The following GPHN variants were observed in gnomAD, a reference collection of about 807,000 sequenced individuals.
The protein encoded by GPHN is gephyrin.
A neutral mutation model predicts 95.5 loss-of-function variants in GPHN; 17 were observed. The observed-to-expected ratio is 0.18, with a 90% CI of 0.12 to 0.27. GPHN has a LOEUF of 0.27. GPHN is among the 10% of genes least tolerant of loss of function. The pLI, the probability that GPHN is intolerant of heterozygous loss-of-function variation, is 1.00. For missense variants in GPHN, 660 were observed against 978.1 expected (o/e 0.67, Z 4.34); for synonymous variants, 320 against 322.5 (o/e 0.99, Z 0.08).
the GPHN span, among the ~76,000 whole-genome samples, chr14:67,595,262 A>G: frequency 1.3e-5 from 2 of 152,244 alleles, no homozygotes; most frequent in Admixed American, 1.3e-4. Flanking sequence ...ATTCAATGCT[A>G]TACTTAAAGT....
chr14:67,674,767 C>T, the GPHN span: 1 of 313,606 alleles, frequency 3.2e-6, no homozygotes, highest in Non-Finnish European at 5.8e-6. Context: ...CGCGCCGGGG[C>T]GATCGGCAGT....
At chr14:67,254,787 A>G in the GPHN span, among the ~76,000 whole-genome samples, 1 of 152,220 alleles carries the variant, frequency 6.6e-6, no homozygotes, top group African/African-American at 2.4e-5. Flanking sequence ...AGAGGTAATC[A>G]TCTACTAATT....
chr14:67,392,531 T>A, the GPHN span: 7 of 1,216,084 alleles, frequency 5.8e-6, no homozygotes, highest in East Asian at 7.0e-5. Flanking sequence ...AGGAACCTCA[T>A]TCTGCATCAG....
At chr14:67,521,314 T>A in the GPHN span, among the ~76,000 whole-genome samples, 1 of 152,108 alleles carries the variant, frequency 6.6e-6, no homozygotes, top group Non-Finnish European at 1.5e-5. Context: ...GGGAAGCAAA[T>A]GCAAAAGTTT....
At chr14:67,130,582 G>C (rs1171140501) in intron 17 of GPHN, among the ~76,000 whole-genome samples, 1 of 152,102 alleles carries the variant, frequency 6.6e-6, no homozygotes, top group Non-Finnish European at 1.5e-5. Context: ...GAGTGCATGT[G>C]TCTTTTTGGT....
the GPHN span, chr14:67,663,073 G>A: frequency 6.8e-7 from 1 of 1,472,280 alleles, no homozygotes; most frequent in Admixed American, 2.6e-5. Context: ...GTTTTTCTCT[G>A]GGTGTGGCAC....
chr14:67,375,680 T>C, the GPHN span, among the ~76,000 whole-genome samples: 1 of 152,328 alleles, frequency 6.6e-6, no homozygotes, highest in East Asian at 1.9e-4. Context: ...GGTTTACACA[T>C]TTGAAAACAC....
In GPHN at chr14:66,751,786, G is replaced by C. The variant is rs1053208483; in HGVS notation, c.144-24678G>C. On this transcript the variant is annotated intron_variant, in intron 2 of 22. Transcript: ENST00000478722. ...CATTGGCTTCAACTTAAAGTCACTA[G>C]CTGCACTAGTCCCTACCAAGAGAGT... Among the ~76,000 whole-genome samples, 7 of 152,034 alleles carry C rather than the reference G, an allele frequency of 4.6e-5. No homozygotes were observed. In the East Asian group the frequency reaches 1.3e-3, roughly 29 times the overall value.
intron 5 of GPHN, among the ~76,000 whole-genome samples, chr14:66,911,110 A>G (rs1480323371): frequency 6.6e-6 from 1 of 152,060 alleles, no homozygotes; most frequent in Non-Finnish European, 1.5e-5. Context: ...AATGATTTAT[A>G]TAAGCACCAC....
intron 5 of GPHN, among the ~76,000 whole-genome samples, chr14:66,886,300 G>A (rs1297799902): frequency 1.3e-5 from 2 of 152,058 alleles, no homozygotes; most frequent in Non-Finnish European, 2.9e-5. Context: ...GCATTAGACA[G>A]CAACAGGCCA....
chr14:66,747,683 C>T (rs903615640), intron 2 of GPHN, among the ~76,000 whole-genome samples: 1 of 151,144 alleles, frequency 6.6e-6, no homozygotes, highest in Middle Eastern at 3.5e-3. Flanking sequence ...TAAGATAAAA[C>T]TTTTAAGGGG....
At chr14:67,456,601 TCAA>T in the GPHN span, among the ~76,000 whole-genome samples, 1 of 124,190 alleles carries the variant, frequency 8.1e-6, no homozygotes. Context: ...AAACTCCATC[TCAA>T]AAAAAAAAAA....
the GPHN span, chr14:67,579,701 G>C: frequency 1.2e-6 from 2 of 1,609,086 alleles, no homozygotes; most frequent in African/African-American, 2.7e-5. Flanking sequence ...CTCAGGGTTG[G>C]AACTCTTCTC....
chr14:67,071,720 C>A (rs897871141), intron 11 of GPHN, among the ~76,000 whole-genome samples: 20 of 151,990 alleles, frequency 1.3e-4, no homozygotes, highest in Non-Finnish European at 2.9e-5. Context: ...GTAGACTGAT[C>A]TTCCTTTTTC....
chr14:66,532,667 A>T (rs752316154), intron 1 of GPHN, among the ~76,000 whole-genome samples: 3 of 152,196 alleles, frequency 2.0e-5, no homozygotes, highest in African/African-American at 4.8e-5. Context: ...TATTATAAGA[A>T]TATTGGGGTG....
the GPHN span, among the ~76,000 whole-genome samples, chr14:67,499,273 G>C: frequency 1.3e-5 from 2 of 152,080 alleles, no homozygotes; most frequent in South Asian, 4.1e-4. Flanking sequence ...CAAGGCACTG[G>C]GATTATAAGT....
chr14:67,515,408 C>A, the GPHN span: 3 of 134,188 alleles, frequency 2.2e-5, no homozygotes, highest in East Asian at 4.4e-4. Flanking sequence ...AAGGAGCCCC[C>A]GGCGGCGGCG....
At chr14:67,555,416 G>C in the GPHN span, among the ~76,000 whole-genome samples, 5 of 152,206 alleles carry the variant, frequency 3.3e-5, no homozygotes, top group African/African-American at 1.2e-4. Flanking sequence ...ATGACACAGG[G>C]TGGGCCCTAT....
rs75370836 is a variant in GPHN, at chr14:66,636,032, T to G, written c.65-45075T>G. ...TAGATCTTTTCAAAGATTTGTTTAA[T>G]GTGTATTTGTTCATATTTTAATTTT... On this transcript the variant is annotated intron_variant, in intron 1 of 22. Coordinates refer to ENST00000478722, the MANE Select transcript of GPHN (RefSeq NM_020806.5). Among the ~76,000 whole-genome samples the G allele has an allele frequency of 3.6e-3, 555 of 152,252 alleles. 12 individuals are homozygous for G. The highest frequency in any genetic ancestry group is 0.013 in the African/African-American group (529 of 41,566).
Sources: gnomAD v4.1 joint callset for allele counts (sites outside exome capture counted in the v4.1 genomes callset) on GRCh38, gnomAD v4.1.1 for gene constraint, MANE v1.5 for transcripts, NCBI Gene and HGNC (gene_info 2026-07-23, HGNC 2026-07-21) for gene names.